The following MACROH2A2 variants were observed in gnomAD, a reference collection of about 807,000 sequenced individuals.
The protein encoded by MACROH2A2 is macroH2A.2 histone, also known as core histone macro-H2A.2.
A neutral mutation model predicts 37.6 loss-of-function variants in MACROH2A2; 6 were observed. That is an observed-to-expected ratio of 0.16 (90% CI 0.09 to 0.32). MACROH2A2 has a LOEUF of 0.32. MACROH2A2 is among the 10% of genes least tolerant of loss of function. MACROH2A2 has a pLI of 1.00. For synonymous variants in MACROH2A2, 192 were observed against 202.7 expected (o/e 0.95, Z 0.45); for missense variants, 290 against 485.9 (o/e 0.60, Z 3.79).
At position 70,104,205 on chromosome 10, in the gene MACROH2A2, T is replaced by A. The variant is rs1212413930; in HGVS notation, c.778+3908T>A. On this transcript the variant is annotated intron_variant, in intron 7 of 8. Transcript: ENST00000373255. ...GTTGTTAAGATATACTCTTATTGTA[T>A]GTAACATTAAGAAAAAATAAATTTC... 2.6e-5 allele frequency among the ~76,000 whole-genome samples: 4 copies of A among 152,158 alleles called. No homozygotes were observed. In the East Asian group the frequency reaches 5.8e-4, roughly 22 times the overall value.
chr10:70,085,727 T>A (rs1005266882), intron 2 of MACROH2A2, among the ~76,000 whole-genome samples: 1 of 152,228 alleles, frequency 6.6e-6, no homozygotes, highest in Non-Finnish European at 1.5e-5. Flanking sequence ...GTGTGACTTG[T>A]GAGAAGTGAG....
At chr10:70,058,429 A>T (rs558714778) in intron 1 of MACROH2A2, among the ~76,000 whole-genome samples, 52 of 152,356 alleles carry the variant, frequency 3.4e-4, no homozygotes, top group African/African-American at 1.2e-3. Context: ...AGATACACTG[A>T]CCACATTTAT....
Position 70,075,559 on chromosome 10 carries a change from G to A in MACROH2A2, c.-59-41G>A. 2 of 1,198,938 alleles carry A rather than the reference G, an allele frequency of 1.7e-6. No individual in the cohort carries two copies. Among genetic ancestry groups the A allele is most frequent in the Non-Finnish European group, 2.4e-6 (2 of 824,164 alleles). 74.3% of individuals were successfully genotyped at this position (1,198,938 alleles called of 1,614,324 possible). A position where few individuals can be genotyped will look rare whatever the true frequency, so the allele number is the denominator to read the frequency against. ...CCATGCCACTGTGCCCAAGATGTTTGCCAACTACCCTTCCTCAACTCTGTC... is the reference window on the plus strand; with the variant it reads ...CCATGCCACTGTGCCCAAGATGTTTACCAACTACCCTTCCTCAACTCTGTC... On this transcript the variant is annotated intron_variant, in intron 1 of 8. Transcript: ENST00000373255. This position sits in a 1 kb window ranked among gnomAD's most constrained non-coding sequence, Gnocchi z 5.0.
intron 7 of MACROH2A2, among the ~76,000 whole-genome samples, chr10:70,102,875 A>G (rs1049517206): frequency 6.6e-6 from 1 of 151,234 alleles, no homozygotes; most frequent in Admixed American, 6.6e-5. Flanking sequence ...ACACTCAAAT[A>G]TAAGATAAGC....
chr10:70,081,123 G>A (rs1461035192), intron 2 of MACROH2A2, among the ~76,000 whole-genome samples: 1 of 149,178 alleles, frequency 6.7e-6, no homozygotes, highest in African/African-American at 2.5e-5. Flanking sequence ...GGATAGAAAT[G>A]CTGGATCCAG....
At chr10:70,066,054 C>T (rs1377668574) in intron 1 of MACROH2A2, among the ~76,000 whole-genome samples, 4 of 152,132 alleles carry the variant, frequency 2.6e-5, no homozygotes, top group Non-Finnish European at 2.9e-5. Flanking sequence ...GCCTTTAATG[C>T]CAGCACTTTG....
intron 3 of MACROH2A2, among the ~76,000 whole-genome samples, chr10:70,090,487 A>C (rs186978886): frequency 6.6e-6 from 1 of 152,190 alleles, no homozygotes; most frequent in Admixed American, 6.5e-5. Context: ...CTTAGTTGAC[A>C]GTTTTTTCTG....
At chr10:70,087,793 T>G (rs1373317586) in intron 2 of MACROH2A2, among the ~76,000 whole-genome samples, 1 of 152,196 alleles carries the variant, frequency 6.6e-6, no homozygotes, top group Non-Finnish European at 1.5e-5. Context: ...AACACAATAT[T>G]CATTGCTTAA....
chr10:70,060,628 G>A (rs1412852561), intron 1 of MACROH2A2, among the ~76,000 whole-genome samples: 2 of 152,124 alleles, frequency 1.3e-5, no homozygotes, highest in African/African-American at 2.4e-5. Flanking sequence ...AGCCCCTAAC[G>A]GTGCGCCTGC....
rs747749694 is a variant in MACROH2A2, at chr10:70,107,318, T to C, written c.779-1715T>C. ...TGTGGACATTGCCAGGAAATACTTATATAAACTAGGTGGGCATCATAGATT... is the reference window on the plus strand; with the variant it reads ...TGTGGACATTGCCAGGAAATACTTACATAAACTAGGTGGGCATCATAGATT... On this transcript the variant is annotated intron_variant, in intron 7 of 8. Transcript: ENST00000373255. The surrounding 1 kb of genome is among the most constrained non-coding windows in gnomAD (Gnocchi z 4.4). Among the ~76,000 whole-genome samples, 4 of 152,208 alleles carry C rather than the reference T, an allele frequency of 2.6e-5. No individual in the cohort carries two copies. Among genetic ancestry groups the C allele is most frequent in the Admixed American group, 6.5e-5 (1 of 15,288 alleles).
chr10:70,087,399 A>G (rs1296535173), intron 2 of MACROH2A2, among the ~76,000 whole-genome samples: 1 of 151,802 alleles, frequency 6.6e-6, no homozygotes, highest in Non-Finnish European at 1.5e-5. Flanking sequence ...AGCCTGGCTA[A>G]TTTTTGTATT....
intron 1 of MACROH2A2, among the ~76,000 whole-genome samples, chr10:70,062,652 G>A (rs111267881): frequency 7.6e-4 from 115 of 152,164 alleles, no homozygotes; most frequent in African/African-American, 2.1e-3. Flanking sequence ...GTGATTCATC[G>A]GTGTGACCGA....
intron 2 of MACROH2A2, among the ~76,000 whole-genome samples, chr10:70,079,563 G>GTGCA (rs2072161973): frequency 1.6e-5 from 1 of 63,178 alleles, no homozygotes; most frequent in African/African-American, 5.7e-5. Flanking sequence ...GCGCGCGCGC[G>GTGCA]CGCACACACA....
chr10:70,085,332 G>A (rs2072204792), intron 2 of MACROH2A2, among the ~76,000 whole-genome samples: 1 of 152,196 alleles, frequency 6.6e-6, no homozygotes. Flanking sequence ...AGATTCAGTA[G>A]TACAGACGGG....
intron 2 of MACROH2A2, among the ~76,000 whole-genome samples, chr10:70,080,463 G>T (rs928453819): frequency 6.6e-6 from 1 of 152,052 alleles, no homozygotes; most frequent in Admixed American, 6.6e-5. Flanking sequence ...GGGCTGGGCA[G>T]AGTGGCTCAT....
intron 1 of MACROH2A2, among the ~76,000 whole-genome samples, chr10:70,054,616 T>G (rs573780017): frequency 1.3e-5 from 2 of 152,362 alleles, no homozygotes; most frequent in African/African-American, 4.8e-5. Context: ...CGTGTCTTCG[T>G]GTGTGTTGTT....
At chr10:70,065,583 G>A (rs2072074650) in intron 1 of MACROH2A2, among the ~76,000 whole-genome samples, 1 of 152,012 alleles carries the variant, frequency 6.6e-6, no homozygotes, top group African/African-American at 2.4e-5. Flanking sequence ...TAAAGTACAG[G>A]ATGCTATAAA....
At chr10:70,066,375 A>C (rs1286520836) in intron 1 of MACROH2A2, among the ~76,000 whole-genome samples, 1 of 152,212 alleles carries the variant, frequency 6.6e-6, no homozygotes, top group African/African-American at 2.4e-5. Flanking sequence ...GTTTCTGAAG[A>C]GTTACATCAG....
intron 2 of MACROH2A2, among the ~76,000 whole-genome samples, chr10:70,076,566 T>C (rs1301728587): frequency 6.6e-6 from 1 of 152,134 alleles, no homozygotes; most frequent in Non-Finnish European, 1.5e-5. Flanking sequence ...TTTTCAGAAG[T>C]ATTTACAAAT....
Sources: allele counts gnomAD v4.1 joint callset (sites outside exome capture counted in the v4.1 genomes callset), GRCh38; gene constraint gnomAD v4.1.1; non-coding constraint Gnocchi (gnomAD v3.1); transcripts MANE v1.5; gene names NCBI Gene and HGNC (gene_info 2026-07-23, HGNC 2026-07-21).